The following CAMK2D variants were observed in gnomAD, a reference collection of about 807,000 sequenced individuals.
The protein encoded by CAMK2D is calcium/calmodulin-dependent protein kinase type II subunit delta.
CAMK2D carries 37 observed loss-of-function variants against 84.0 expected under a neutral mutation model. That is an observed-to-expected ratio of 0.44 (90% CI 0.34 to 0.58). The LOEUF (loss-of-function observed/expected upper bound fraction) is 0.58. Among genes scored for constraint, CAMK2D ranks in the 20% least tolerant of loss-of-function variants. The probability of loss-of-function intolerance (pLI) is 0.02; values close to 1 mark genes in which losing one functional copy is unlikely to be tolerated. For missense variants in CAMK2D, 448 were observed against 652.5 expected (o/e 0.69, Z 3.41); for synonymous variants, 202 against 212.5 (o/e 0.95, Z 0.43).
intron 2 of CAMK2D, among the ~76,000 whole-genome samples, chr4:113,722,721 C>A (rs72899834): frequency 0.025 from 3,778 of 152,182 alleles, 174 homozygotes; most frequent in African/African-American, 0.086. Context: ...CAGCCAGAAC[C>A]CAGCTTTCCC....
intron 4 of CAMK2D, among the ~76,000 whole-genome samples, chr4:113,561,788 G>A (rs2098699972): frequency 6.6e-6 from 1 of 152,194 alleles, no homozygotes; most frequent in Non-Finnish European, 1.5e-5. Flanking sequence ...GATTTTGTCA[G>A]TAGCTAAGAA....
At chr4:113,696,586 T>C (rs1253812127) in intron 2 of CAMK2D, among the ~76,000 whole-genome samples, 1 of 152,108 alleles carries the variant, frequency 6.6e-6, no homozygotes, top group Non-Finnish European at 1.5e-5. Flanking sequence ...TAGGTAAGTG[T>C]ATTTGTAGGG....
intron 4 of CAMK2D, among the ~76,000 whole-genome samples, chr4:113,566,265 A>C (rs1024752742): frequency 6.6e-6 from 1 of 152,194 alleles, no homozygotes; most frequent in South Asian, 2.1e-4. Context: ...CTGAATGTTC[A>C]ATTCTTTGTA....
intron 3 of CAMK2D, among the ~76,000 whole-genome samples, chr4:113,661,183 C>T (rs1000087517): frequency 2.0e-5 from 3 of 152,098 alleles, no homozygotes; most frequent in African/African-American, 7.2e-5. Context: ...ATAATCACAA[C>T]CTTTTGAAAA....
At chr4:113,596,105 C>T (rs907434365) in intron 4 of CAMK2D, among the ~76,000 whole-genome samples, 2 of 152,168 alleles carry the variant, frequency 1.3e-5, no homozygotes, top group Non-Finnish European at 2.9e-5. Context: ...ACAATGTTCA[C>T]AGTATTTTCA....
intron 4 of CAMK2D, among the ~76,000 whole-genome samples, chr4:113,554,250 C>A (rs1293115838): frequency 6.6e-6 from 1 of 151,904 alleles, no homozygotes; most frequent in Non-Finnish European, 1.5e-5. Flanking sequence ...AATGAATTAA[C>A]CCAGTTAGAG....
At chr4:113,506,230 T>C (rs565839876) in intron 13 of CAMK2D, among the ~76,000 whole-genome samples, 2 of 152,172 alleles carry the variant, frequency 1.3e-5, no homozygotes, top group Non-Finnish European at 2.9e-5. Flanking sequence ...AAAACTAGTA[T>C]TGAGAGGAAG....
At position 113,738,597 on chromosome 4, in the gene CAMK2D, A is replaced by T. The variant is rs1166205943; in HGVS notation, c.160+20723T>A. Among the ~76,000 whole-genome samples, 4 of 152,118 alleles carry T rather than the reference A, an allele frequency of 2.6e-5. No individual in the cohort carries two copies. In the East Asian group the frequency reaches 7.7e-4, roughly 29 times the overall value. ...CAAAACATAATTCTGGCAAAACATA[A>T]CTTTTTATGGTTCCTGTATCTCCTT... On this transcript the variant is annotated intron_variant, in intron 2 of 20. Transcript: ENST00000511664.
chr4:113,683,043 A>G (rs1391766793), intron 2 of CAMK2D, among the ~76,000 whole-genome samples: 1 of 152,248 alleles, frequency 6.6e-6, no homozygotes, highest in Non-Finnish European at 1.5e-5. Context: ...GAAATTAGTC[A>G]ATGCTCATCC....
chr4:113,465,159 A>C (rs1274529933), intron 17 of CAMK2D, among the ~76,000 whole-genome samples: 1 of 152,078 alleles, frequency 6.6e-6, no homozygotes, highest in Non-Finnish European at 1.5e-5. Context: ...CAGCCTCCCA[A>C]GTATGTGGGA....
At chr4:113,514,651 T>C (rs1285181495) in intron 10 of CAMK2D, among the ~76,000 whole-genome samples, 1 of 152,186 alleles carries the variant, frequency 6.6e-6, no homozygotes, top group Non-Finnish European at 1.5e-5. Context: ...ACTATGACCA[T>C]TATTTTACGC....
chr4:113,494,027 T>A (rs1316650898), intron 16 of CAMK2D, among the ~76,000 whole-genome samples: 1 of 152,136 alleles, frequency 6.6e-6, no homozygotes, highest in East Asian at 1.9e-4. Context: ...TATTGGTTAT[T>A]CTAGTTATAC....
At chr4:113,461,659 G>A (rs962275871) in intron 17 of CAMK2D, among the ~76,000 whole-genome samples, 3 of 152,310 alleles carry the variant, frequency 2.0e-5, no homozygotes, top group Middle Eastern at 3.4e-3. Context: ...TTTGAAGAAT[G>A]AATGGGAGTT....
chr4:113,705,896 T>TG (rs1382723994), intron 2 of CAMK2D, among the ~76,000 whole-genome samples: 1 of 152,174 alleles, frequency 6.6e-6, no homozygotes, highest in Non-Finnish European at 1.5e-5. Flanking sequence ...CAAGGAACCC[T>TG]GGCATAGTTG....
Position 113,761,162 on chromosome 4 carries a change from C to G in CAMK2D, c.-94G>C. The stretch of plus-strand genomic sequence containing the variant: ...CGGGACTGGCCCCGCGGCGCTGTCA[C>G]CCAGGGCCGCTCTTACTTTCCTGGT... On this transcript the variant is annotated 5_prime_UTR_variant, in exon 1 of 21. Coordinates refer to ENST00000511664, the MANE Select transcript of CAMK2D (RefSeq NM_001321571.2). 5 of 1,601,434 alleles carry G rather than the reference C, an allele frequency of 3.1e-6. No individual in the cohort carries two copies. Among genetic ancestry groups the G allele is most frequent in the East Asian group, 2.2e-5 (1 of 44,764 alleles).
Position 113,759,411 on chromosome 4 carries a change from C to A in CAMK2D, c.69G>T (p.Gly23=). ...EYQLFEELGK[G]AFSVVRRCMK... ...TACATCTTCTCACCACTGAGAATGCCCCCCTGGAAACCAATAATTAGCAGG... is the reference window on the plus strand; with the variant it reads ...TACATCTTCTCACCACTGAGAATGCACCCCTGGAAACCAATAATTAGCAGG... The change falls in exon 2 of 21, where the codon GGG becomes GGT. Residue 23 remains glycine, a synonymous_variant. Coordinates refer to ENST00000511664, the MANE Select transcript of CAMK2D (RefSeq NM_001321571.2). The A allele has an allele frequency of 1.9e-6, 3 of 1,584,872 alleles. No individual in the cohort carries two copies. Among genetic ancestry groups the A allele is most frequent in the South Asian group, 1.2e-5 (1 of 85,812 alleles).
At chr4:113,628,848 C>T (rs554557276) in intron 3 of CAMK2D, among the ~76,000 whole-genome samples, 8 of 151,946 alleles carry the variant, frequency 5.3e-5, no homozygotes, top group Middle Eastern at 6.8e-3. Context: ...TGCTTTTGAA[C>T]TAAGTTGAAG....
chr4:113,503,255 G>C (rs1412780445), intron 14 of CAMK2D: 3 of 657,006 alleles, frequency 4.6e-6, no homozygotes, highest in African/African-American at 3.5e-5. Flanking sequence ...GAGATCTGAA[G>C]AGGCACTCAC....
intron 4 of CAMK2D, among the ~76,000 whole-genome samples, chr4:113,555,412 C>T (rs938464279): frequency 2.0e-5 from 3 of 152,046 alleles, no homozygotes; most frequent in Admixed American, 2.0e-4. Context: ...CTGGGACTAA[C>T]TCTGGAAAAA....
Sources: allele counts gnomAD v4.1 joint callset (sites outside exome capture counted in the v4.1 genomes callset), GRCh38; gene constraint gnomAD v4.1.1; transcripts MANE v1.5; gene names NCBI Gene and HGNC (gene_info 2026-07-23, HGNC 2026-07-21).